The following DNAAF4 variants were observed in gnomAD, a reference collection of about 807,000 sequenced individuals.
DNAAF4 encodes the protein dynein axonemal assembly factor 4, also known as dynein assembly factor 4, axonemal.
In DNAAF4, 43 loss-of-function variants were observed where a neutral mutation model predicts 51.8. That is an observed-to-expected ratio of 0.83 (90% CI 0.65 to 1.07). DNAAF4 has a LOEUF of 1.07. DNAAF4 is among the 50% of genes least tolerant of loss of function. The pLI is 0.00. For synonymous variants in DNAAF4, 194 were observed against 165.6 expected, an observed-to-expected ratio of 1.17 and a Z score of -1.32; for missense variants, 581 against 493.0, an observed-to-expected ratio of 1.18 and a Z score of -1.69.
downstream of DNAAF4, among the ~76,000 whole-genome samples, chr15:55,425,702 A>G (rs923826515): frequency 6.6e-6 from 1 of 152,158 alleles, no homozygotes; most frequent in African/African-American, 2.4e-5. Context: ...TAATATTTTG[A>G]CCTCTGTCAG....
At chr15:55,455,622 G>C (rs946079407) in intron 5 of DNAAF4, among the ~76,000 whole-genome samples, 1 of 151,906 alleles carries the variant, frequency 6.6e-6, no homozygotes, top group African/African-American at 2.4e-5. Flanking sequence ...AGTAGAGACA[G>C]GGTTTCGCCA....
chr15:55,418,654 A>G, intron 7 of DNAAF4: 1 of 963,234 alleles, frequency 1.0e-6, no homozygotes, highest in Non-Finnish European at 1.5e-6. Flanking sequence ...CTAATAAAGA[A>G]GATAAAAAGT....
chr15:55,506,949 A>C (rs1035973981), intron 1 of DNAAF4, among the ~76,000 whole-genome samples: 12 of 152,096 alleles, frequency 7.9e-5, no homozygotes, highest in African/African-American at 2.9e-4. Context: ...TCCCAGGTTC[A>C]AGCGATTCTC....
intron 6 of DNAAF4, chr15:55,442,891 G>T: frequency 6.2e-7 from 1 of 1,612,192 alleles, no homozygotes; most frequent in East Asian, 2.2e-5. Context: ...GGTTGCAATG[G>T]CACCTCCATG....
At chr15:55,497,274 C>T (rs1420294679) in intron 3 of DNAAF4, among the ~76,000 whole-genome samples, 1 of 151,864 alleles carries the variant, frequency 6.6e-6, no homozygotes, top group South Asian at 2.1e-4. Flanking sequence ...TTTTATAGAC[C>T]CAGCTATTGA....
At chr15:55,477,997 G>A (rs975139478) in intron 4 of DNAAF4, among the ~76,000 whole-genome samples, 1 of 152,176 alleles carries the variant, frequency 6.6e-6, no homozygotes, top group Non-Finnish European at 1.5e-5. Context: ...TCCCACGGAG[G>A]AGCTCAGTCA....
intron 5 of DNAAF4, among the ~76,000 whole-genome samples, chr15:55,453,515 C>G (rs940305659): frequency 1.5e-5 from 2 of 132,556 alleles, no homozygotes; most frequent in African/African-American, 5.6e-5. Context: ...AAGCTAGTGA[C>G]AAAGAACAGA....
intron 3 of DNAAF4, among the ~76,000 whole-genome samples, chr15:55,494,572 T>C (rs2058615657): frequency 6.6e-6 from 1 of 151,932 alleles, no homozygotes; most frequent in Non-Finnish European, 1.5e-5. Flanking sequence ...CTACCACGCC[T>C]GACGAAGTTT....
intron 4 of DNAAF4, among the ~76,000 whole-genome samples, chr15:55,475,313 C>T (rs564010322): frequency 6.6e-6 from 1 of 152,120 alleles, no homozygotes; most frequent in Non-Finnish European, 1.5e-5. Context: ...TCAAAAACAA[C>T]CATTTCAGGG....
At chr15:55,453,251 G>A (rs2057963871) in intron 5 of DNAAF4, among the ~76,000 whole-genome samples, 1 of 152,118 alleles carries the variant, frequency 6.6e-6, no homozygotes, top group African/African-American at 2.4e-5. Flanking sequence ...CAAGTCTTTT[G>A]CAAATAAGAA....
intron 5 of DNAAF4, among the ~76,000 whole-genome samples, chr15:55,460,626 T>C (rs2058081890): frequency 6.6e-6 from 1 of 152,180 alleles, no homozygotes. Flanking sequence ...GGATTTAAAC[T>C]ATATCCTAGA....
intron 4 of DNAAF4, among the ~76,000 whole-genome samples, chr15:55,476,323 T>C (rs1021043231): frequency 6.6e-6 from 1 of 151,688 alleles, no homozygotes; most frequent in Non-Finnish European, 1.5e-5. Context: ...CATGGTGGCA[T>C]GTGCGTGTAG....
At chr15:55,432,712 G>C in intron 8 of DNAAF4, 110 bp from the exon 9 acceptor site, 2 of 829,766 alleles carry the variant, frequency 2.4e-6, no homozygotes, top group Non-Finnish European at 3.6e-6. Context: ...TGGGGAGGCC[G>C]AGGTAGGTGG....
intron 4 of DNAAF4, among the ~76,000 whole-genome samples, chr15:55,473,904 A>G (rs926796225): frequency 6.6e-6 from 1 of 152,240 alleles, no homozygotes; most frequent in African/African-American, 2.4e-5. Flanking sequence ...AGGCAGGAGA[A>G]TCTCTTGAAC....
intron 4 of DNAAF4, among the ~76,000 whole-genome samples, chr15:55,476,939 G>A (rs2058343123): frequency 6.6e-6 from 1 of 152,208 alleles, no homozygotes; most frequent in Non-Finnish European, 1.5e-5. Flanking sequence ...GGGAGGCCAA[G>A]GCGGGTGGAT....
chr15:55,495,947 C>A (rs2058634930), intron 3 of DNAAF4, among the ~76,000 whole-genome samples: 1 of 152,124 alleles, frequency 6.6e-6, no homozygotes. Flanking sequence ...GGATGTCAGG[C>A]CGGTCGCGGT....
intron 8 of DNAAF4, among the ~76,000 whole-genome samples, chr15:55,434,215 A>G (rs1239129582): frequency 2.0e-5 from 3 of 149,290 alleles, no homozygotes; most frequent in African/African-American, 7.4e-5. Flanking sequence ...ATTAAATAGC[A>G]TTTGTGGGCT....
At chr15:55,443,013 G>C in intron 6 of DNAAF4, 2 of 1,611,488 alleles carry the variant, frequency 1.2e-6, no homozygotes, top group Non-Finnish European at 1.7e-6. Flanking sequence ...CATCATCAAA[G>C]CTTCTGGTGA....
At chr15:55,474,627 C>T (rs988604863) in intron 4 of DNAAF4, among the ~76,000 whole-genome samples, 4 of 152,112 alleles carry the variant, frequency 2.6e-5, no homozygotes, top group African/African-American at 7.2e-5. Context: ...ACAATGGAAA[C>T]GTTAATTTCA....
Sources: allele counts gnomAD v4.1 joint callset (sites outside exome capture counted in the v4.1 genomes callset), GRCh38; gene constraint gnomAD v4.1.1; transcripts MANE v1.5; gene names NCBI Gene and HGNC (gene_info 2026-07-23, HGNC 2026-07-21).